ATP11C: variants seen among roughly 807,000 people sequenced by gnomAD.
ATP11C encodes the protein ATPase phospholipid transporting 11C (ATP11C blood group).
ATP11C carries 36 observed loss-of-function variants against 97.4 expected under a neutral mutation model. The observed-to-expected ratio is 0.37, with a 90% CI of 0.28 to 0.49. ATP11C has a LOEUF of 0.49. ATP11C is among the 20% of genes least tolerant of loss of function. The pLI, the probability that ATP11C is intolerant of heterozygous loss-of-function variation, is 0.98. For missense variants in ATP11C, 730 were observed against 824.6 expected, an observed-to-expected ratio of 0.89 and a Z score of 1.40; for synonymous variants, 275 against 290.9, an observed-to-expected ratio of 0.95 and a Z score of 0.56.
At chrX:139,753,700 T>C (rs1258715247) in intron 23 of ATP11C, among the ~76,000 whole-genome samples, 2 of 110,716 alleles carry the variant, frequency 1.8e-5, no homozygotes, top group Non-Finnish European at 3.8e-5. Flanking sequence ...CTCAGCTACT[T>C]GGGAGGCTGA....
intron 22 of ATP11C, among the ~76,000 whole-genome samples, chrX:139,760,143 G>A (rs1204378840): frequency 8.9e-6 from 1 of 112,157 alleles, no homozygotes; most frequent in East Asian, 2.8e-4. Flanking sequence ...CCTCCTGGAT[G>A]GAAAGCCAAA....
intron 1 of ATP11C, among the ~76,000 whole-genome samples, chrX:139,899,770 C>T (rs1048012020): frequency 5.4e-5 from 6 of 111,181 alleles, no homozygotes; most frequent in Admixed American, 3.9e-4. Flanking sequence ...TCTTGGTTAT[C>T]TCAAGAAAGA....
chrX:139,906,135 C>T (rs1441911545), intron 1 of ATP11C, among the ~76,000 whole-genome samples: 2 of 110,860 alleles, frequency 1.8e-5, no homozygotes, highest in South Asian at 3.9e-4. Context: ...GGCATAGTGG[C>T]TCATGCCTAT....
chrX:139,877,839 T>C (rs763558816), intron 1 of ATP11C, among the ~76,000 whole-genome samples: 1 of 111,451 alleles, frequency 9.0e-6, no homozygotes, highest in East Asian at 2.8e-4. Context: ...CAGGCAAAAG[T>C]GATGAAACCC....
At chrX:139,761,621 C>A (rs1414309126) in intron 22 of ATP11C, among the ~76,000 whole-genome samples, 1 of 111,680 alleles carries the variant, frequency 9.0e-6, no homozygotes, top group African/African-American at 3.3e-5. Flanking sequence ...TGAGCCACTA[C>A]CAAGCCAAAA....
chrX:139,913,189 T>A (rs1244117994), intron 1 of ATP11C, among the ~76,000 whole-genome samples: 1 of 112,063 alleles, frequency 8.9e-6, no homozygotes, highest in Non-Finnish European at 1.9e-5. Context: ...AGAGTGCTTT[T>A]GAAAAATAAT....
intron 1 of ATP11C, among the ~76,000 whole-genome samples, chrX:139,829,607 C>T (rs1385881033): frequency 9.0e-6 from 1 of 111,317 alleles, no homozygotes; most frequent in Non-Finnish European, 1.9e-5. Flanking sequence ...AGGAGTCCAT[C>T]CTGTGCTGAA....
intron 1 of ATP11C, among the ~76,000 whole-genome samples, chrX:139,851,622 G>A (rs2083991746): frequency 9.0e-6 from 1 of 111,687 alleles, no homozygotes; most frequent in Admixed American, 9.5e-5. Context: ...TGGGAGAGCT[G>A]CAAGTAGGAG....
chrX:139,914,980 C>T (rs763679928), intron 1 of ATP11C, among the ~76,000 whole-genome samples: 1 of 111,974 alleles, frequency 8.9e-6, no homozygotes, highest in East Asian at 2.8e-4. Context: ...GAACTTACCA[C>T]TCTAGGTTTT....
intron 1 of ATP11C, among the ~76,000 whole-genome samples, chrX:139,862,998 G>A (rs897554206): frequency 9.0e-6 from 1 of 111,023 alleles, no homozygotes; most frequent in Non-Finnish European, 1.9e-5. Flanking sequence ...ACTTTGATTT[G>A]TTCTAGTAAG....
chrX:139,824,560 G>A (rs970776523), intron 2 of ATP11C, among the ~76,000 whole-genome samples: 7 of 111,059 alleles, frequency 6.3e-5, no homozygotes, highest in East Asian at 2.8e-4. Flanking sequence ...GGTGGTGGGC[G>A]CCTGTAGTCC....
intron 5 of ATP11C, among the ~76,000 whole-genome samples, chrX:139,805,176 C>A (rs1181756744): frequency 9.0e-6 from 1 of 111,162 alleles, no homozygotes; most frequent in Non-Finnish European, 1.9e-5. Flanking sequence ...TCAGGAGAAT[C>A]ACTTAATATA....
At chrX:139,755,830 A>G (rs2081923449) in intron 23 of ATP11C, among the ~76,000 whole-genome samples, 2 of 112,318 alleles carry the variant, frequency 1.8e-5, no homozygotes, top group Admixed American at 1.9e-4. Flanking sequence ...TCAACTCAAG[A>G]TGGATTAAAG....
intron 1 of ATP11C, 80 bp downstream of exon 1, chrX:139,931,936 A>C: frequency 9.3e-7 from 1 of 1,078,621 alleles, no homozygotes; most frequent in Non-Finnish European, 1.2e-6. Flanking sequence ...GCCCCCTCAG[A>C]AAATTGTTGT....
At chrX:139,887,377 C>G (rs2084659549) in intron 1 of ATP11C, among the ~76,000 whole-genome samples, 1 of 111,939 alleles carries the variant, frequency 8.9e-6, no homozygotes, top group Admixed American at 9.5e-5. Flanking sequence ...CGTTTGTAAT[C>G]TCAGCCCTCT....
chrX:139,883,315 T>C (rs1466881755), intron 1 of ATP11C, among the ~76,000 whole-genome samples: 1 of 109,788 alleles, frequency 9.1e-6, no homozygotes, highest in African/African-American at 3.3e-5. Flanking sequence ...GCTTGGACAC[T>C]GGAACCCTCT....
At chrX:139,781,807 C>T (rs1408117501) in intron 18 of ATP11C, among the ~76,000 whole-genome samples, 4 of 112,071 alleles carry the variant, frequency 3.6e-5, no homozygotes, top group African/African-American at 1.3e-4. Context: ...AGATTAAGCT[C>T]TCATGTTGTT....
chrX:139,867,547 A>C, intron 1 of ATP11C, among the ~76,000 whole-genome samples: 2 of 112,044 alleles, frequency 1.8e-5, no homozygotes, highest in Non-Finnish European at 3.8e-5. Flanking sequence ...ATTATAACCC[A>C]GTGTGGTGAA....
intron 24 of ATP11C, among the ~76,000 whole-genome samples, chrX:139,749,284 G>A (rs145889394): frequency 0.012 from 1,333 of 111,621 alleles, 12 homozygotes; most frequent in Middle Eastern, 0.019. Flanking sequence ...GAGTCATGCT[G>A]GTTAAAAAAA....
Sources: gnomAD v4.1 joint callset for allele counts (sites outside exome capture counted in the v4.1 genomes callset) on GRCh38, gnomAD v4.1.1 for gene constraint, MANE v1.5 for transcripts, NCBI Gene and HGNC (gene_info 2026-07-23, HGNC 2026-07-21) for gene names.